The following COL5A1 variants were observed in gnomAD, a reference collection of about 807,000 sequenced individuals.
COL5A1 encodes the protein collagen alpha-1(V) chain.
COL5A1 carries 16 observed loss-of-function variants against 263.7 expected under a neutral mutation model. The observed-to-expected ratio is 0.06, with a 90% confidence interval of 0.04 to 0.09. The LOEUF is 0.09. Ranked by LOEUF, COL5A1 falls within the 10% of genes least tolerant of loss-of-function variation. The pLI, the probability that COL5A1 is intolerant of heterozygous loss-of-function variation, is 1.00. For synonymous variants in COL5A1, 1,012 were observed against 1,004.5 expected, an observed-to-expected ratio of 1.01 and a Z score of -0.14; for missense variants, 2,036 against 2,540.5, an observed-to-expected ratio of 0.80 and a Z score of 4.27.
chr9:134,780,038 C>G, intron 27 of COL5A1, 64 bp from the exon 28 acceptor site: 1 of 1,583,306 alleles, frequency 6.3e-7, no homozygotes, highest in Non-Finnish European at 8.7e-7. Context: ...GACACGCCTG[C>G]GACAGCTCTA....
rs992159523 is a variant in COL5A1 at position 134,757,837 on chromosome 9, G to A, written c.1882-406G>A. 6.6e-6 allele frequency among the ~76,000 whole-genome samples: 1 copy of A among 152,128 alleles called. No homozygotes were observed. Among genetic ancestry groups the A allele is most frequent in the Non-Finnish European group, 1.5e-5 (1 of 68,022 alleles). The stretch of plus-strand genomic sequence containing the variant: ...GGGTACGCGTACCTCCTGAGCGCGG[G>A]CAGCCCCTCGGCACCATGGATACAG... On this transcript the variant is annotated intron_variant, in intron 17 of 65. Coordinates refer to ENST00000371817, the MANE Select transcript of COL5A1 (RefSeq NM_000093.5). This position sits in a 1 kb window ranked among gnomAD's most constrained non-coding sequence, Gnocchi z 6.2.
rs930825428 is a variant in COL5A1, at chr9:134,661,997, G to A, written c.109+19701G>A. On this transcript the variant is annotated intron_variant, in intron 1 of 65. Transcript: ENST00000371817. ...CGCCTTCTCTGGGGCGGTTACTCAC[G>A]CAGAGGCGGGAACCTGACTCTGTGC... is the stretch of plus-strand genomic sequence containing the variant. Among the ~76,000 whole-genome samples the A allele has an allele frequency of 4.6e-5, 7 of 152,256 alleles. No homozygotes were observed. In the East Asian group the frequency reaches 9.7e-4, roughly 21 times the overall value.
At chr9:134,795,417 A>C (rs964929472) in intron 34 of COL5A1, 102 bp downstream of exon 34, 103 of 1,009,520 alleles carry the variant, frequency 1.0e-4, no homozygotes, top group Non-Finnish European at 1.4e-4. Flanking sequence ...TTTATTAAAA[A>C]AAAAAAAAAA....
intron 34 of COL5A1, among the ~76,000 whole-genome samples, 188 bp from the exon 35 acceptor site, chr9:134,796,186 G>A (rs1161158034): frequency 6.6e-6 from 1 of 152,212 alleles, no homozygotes; most frequent in East Asian, 1.9e-4. Flanking sequence ...GAGGCACGGG[G>A]ACAGGCAGGC....
Position 134,766,961 on chromosome 9 carries a change from C to T in COL5A1, c.2134-39C>T, listed in dbSNP as rs374380793. 2.0e-5 allele frequency: 32 copies of T among 1,597,348 alleles called. No individual in the cohort carries two copies. The African/African-American group carries it at 4.0e-4, about 20-fold the overall frequency. On this transcript the variant is annotated intron_variant, in intron 22 of 65. Coordinates refer to ENST00000371817, the MANE Select transcript of COL5A1 (RefSeq NM_000093.5). ...ACACCCAGGAAGGGGATACAGTTCC[C>T]AGAGCCCCCTTCAGTGCCTTTGCTC...
At chr9:134,749,417 C>T (rs552706452) in intron 11 of COL5A1, among the ~76,000 whole-genome samples, 1 of 152,326 alleles carries the variant, frequency 6.6e-6, no homozygotes, top group South Asian at 2.1e-4. Flanking sequence ...GTACCTTAAG[C>T]CATTTCACAA....
chr9:134,831,506 G>A (rs527550740), intron 64 of COL5A1, among the ~76,000 whole-genome samples: 1 of 152,202 alleles, frequency 6.6e-6, no homozygotes, highest in South Asian at 2.1e-4. Context: ...GGGAGGGCCC[G>A]GGACCAGGGC....
chr9:134,699,571 C>T (rs1044465140), intron 2 of COL5A1, among the ~76,000 whole-genome samples: 1 of 151,784 alleles, frequency 6.6e-6, no homozygotes, highest in Non-Finnish European at 1.5e-5. Context: ...AGGCAGCTCA[C>T]AGCCTGAGAG....
At chr9:134,805,913 T>C (rs1588570890) in intron 41 of COL5A1, among the ~76,000 whole-genome samples, 1 of 150,362 alleles carries the variant, frequency 6.7e-6, no homozygotes, top group Non-Finnish European at 1.5e-5. Context: ...GGGGAGGGGG[T>C]GCCAGGCTTC....
chr9:134,793,055 A>G (rs1175378686), intron 32 of COL5A1, among the ~76,000 whole-genome samples: 1 of 152,124 alleles, frequency 6.6e-6, no homozygotes, highest in Non-Finnish European at 1.5e-5. Context: ...TGGAAATGGC[A>G]GGAACATAAG....
intron 4 of COL5A1, among the ~76,000 whole-genome samples, chr9:134,705,520 T>C (rs926977781): frequency 6.6e-6 from 1 of 152,094 alleles, no homozygotes; most frequent in Non-Finnish European, 1.5e-5. Flanking sequence ...TGCCGGCAGG[T>C]CCCCCCAGCC....
At chr9:134,822,546 C>T (rs1255591867) in intron 59 of COL5A1, among the ~76,000 whole-genome samples, 1 of 152,158 alleles carries the variant, frequency 6.6e-6, no homozygotes, top group African/African-American at 2.4e-5. Context: ...CTGGGTCTCA[C>T]ATTGCTGGGA....
chr9:134,722,480 G>T (rs1297293302), intron 4 of COL5A1, among the ~76,000 whole-genome samples: 1 of 152,194 alleles, frequency 6.6e-6, no homozygotes, highest in Non-Finnish European at 1.5e-5. Flanking sequence ...ACACCCTGGG[G>T]TACGGGGTTG....
Position 134,802,243 on chromosome 9 carries a change from G to A in COL5A1, c.3006+236G>A, listed in dbSNP as rs56403915. ...CGCAGGGCAAGGAAGGCTGCCCAAG[G>A]CTCACAGGGTGGCTGGGGCCAGACC... On this transcript the variant is annotated intron_variant, in intron 38 of 65. Transcript: ENST00000371817. 5.3e-5 allele frequency among the ~76,000 whole-genome samples: 8 copies of A among 152,342 alleles called. No individual in the cohort carries two copies. The South Asian group carries it at 6.2e-4, about 12-fold the overall frequency.
At chr9:134,650,184 TA>T (rs113104603) in intron 1 of COL5A1, among the ~76,000 whole-genome samples, 6 of 152,078 alleles carry the variant, frequency 3.9e-5, no homozygotes, top group African/African-American at 1.2e-4. Flanking sequence ...TAAAGTATAA[TA>T]AAAAAAATTT....
Position 134,765,527 on chromosome 9 carries a change from G to A in COL5A1, c.2035-154G>A, listed in dbSNP as rs943747541. On this transcript the variant is annotated intron_variant, in intron 20 of 65. Transcript: ENST00000371817. This position sits in a 1 kb window ranked among gnomAD's most constrained non-coding sequence, Gnocchi z 5.1. The stretch of plus-strand genomic sequence containing the variant: ...TGGAGGGAGGCAGCGCAGCAGGCTG[G>A]GAGGGAGTCTGGGCCTCACTCCTGG... Among the ~76,000 whole-genome samples, 3 of 152,152 alleles carry A rather than the reference G, an allele frequency of 2.0e-5. No homozygotes were observed. The highest frequency in any genetic ancestry group is 7.2e-5 in the African/African-American group (3 of 41,440).
chr9:134,651,659 G>GACA (rs1337658709), intron 1 of COL5A1, among the ~76,000 whole-genome samples: 3 of 152,230 alleles, frequency 2.0e-5, no homozygotes, highest in Non-Finnish European at 4.4e-5. Flanking sequence ...CCTGTTGTGG[G>GACA]GGTGACAGGC....
At chr9:134,701,517 A>C (rs1833675633) in intron 4 of COL5A1, among the ~76,000 whole-genome samples, 184 bp downstream of exon 4, 2 of 152,144 alleles carry the variant, frequency 1.3e-5, no homozygotes, top group Admixed American at 6.5e-5. Context: ...TCGGAAATGG[A>C]GGGGCCAGAG....
intron 11 of COL5A1, among the ~76,000 whole-genome samples, chr9:134,747,204 C>T (rs1286707777): frequency 3.3e-5 from 5 of 152,198 alleles, no homozygotes; most frequent in Non-Finnish European, 7.3e-5. Flanking sequence ...TGTTCATCTA[C>T]GTTCCCATTC....
Sources: allele counts gnomAD v4.1 joint callset (sites outside exome capture counted in the v4.1 genomes callset), GRCh38; gene constraint gnomAD v4.1.1; non-coding constraint Gnocchi (gnomAD v3.1); transcripts MANE v1.5; gene names NCBI Gene and HGNC (gene_info 2026-07-23, HGNC 2026-07-21).